Variants in EDARADD observed in about 807,000 individuals in gnomAD.
The protein encoded by EDARADD is ectodysplasin-A receptor-associated adapter protein.
A neutral mutation model predicts 25.6 loss-of-function variants in EDARADD; 20 were observed. That is an observed-to-expected ratio of 0.78 (90% confidence interval 0.55 to 1.14). EDARADD has a LOEUF of 1.14. Among genes scored for constraint, EDARADD ranks in the 50% most tolerant of loss-of-function variants. The pLI is 0.00. For synonymous variants in EDARADD, 86 were observed against 94.4 expected, an observed-to-expected ratio of 0.91 and a Z score of 0.52; for missense variants, 225 against 270.1, an observed-to-expected ratio of 0.83 and a Z score of 1.17.
rs562522582 is a variant in EDARADD at position 236,483,079 on chromosome 1, A to G, written c.*430A>G. On this transcript the variant is annotated 3_prime_UTR_variant, in exon 6 of 6. Transcript: ENST00000334232. ...TGCCATTCCCACGGTTTCAAAGAAAACAGCTACAAGGAATGCTTACCTGAG... is the reference window on the plus strand; with the variant it reads ...TGCCATTCCCACGGTTTCAAAGAAAGCAGCTACAAGGAATGCTTACCTGAG... The G allele has an allele frequency of 2.2e-6, 2 of 894,242 alleles. No homozygotes were observed. Among genetic ancestry groups the G allele is most frequent in the East Asian group, 2.5e-5 (1 of 39,864 alleles). 55.4% of individuals were successfully genotyped at this position (894,242 alleles called of 1,614,324 possible).
chr1:236,476,535 T>TG (rs547755483), intron 5 of EDARADD, among the ~76,000 whole-genome samples: 53 of 151,850 alleles, frequency 3.5e-4, no homozygotes, highest in Middle Eastern at 3.4e-3. Context: ...GATTTTTTTT[T>TG]TTTGTTTGAG....
chr1:236,436,121 A>T (rs998979027), intron 4 of EDARADD, among the ~76,000 whole-genome samples: 2 of 151,722 alleles, frequency 1.3e-5, no homozygotes, highest in African/African-American at 4.8e-5. Context: ...CTGGGCAATA[A>T]AGTGAGACCC....
intron 3 of EDARADD, among the ~76,000 whole-genome samples, chr1:236,425,099 C>T (rs529075909): frequency 6.6e-6 from 1 of 152,270 alleles, no homozygotes; most frequent in East Asian, 1.9e-4. Context: ...GGATGGGGTC[C>T]TCATCCAGCC....
intron 4 of EDARADD, among the ~76,000 whole-genome samples, chr1:236,457,384 G>T (rs547764101): frequency 1.4e-3 from 212 of 152,186 alleles, no homozygotes; most frequent in Non-Finnish European, 2.3e-3. Context: ...GCATTGTGGT[G>T]CATGCCTGTA....
At chr1:236,410,022 A>C (rs1558114457) in intron 2 of EDARADD, among the ~76,000 whole-genome samples, 1 of 151,950 alleles carries the variant, frequency 6.6e-6, no homozygotes. Flanking sequence ...TTCTGAGGCT[A>C]TTGCTTTAAG....
chr1:236,449,957 C>T (rs370362221), intron 4 of EDARADD, among the ~76,000 whole-genome samples: 3 of 152,032 alleles, frequency 2.0e-5, no homozygotes, highest in African/African-American at 7.2e-5. Flanking sequence ...AAAAATTAGC[C>T]GGGTGTAGTG....
chr1:236,477,770 C>T (rs1239538304), intron 5 of EDARADD, among the ~76,000 whole-genome samples: 5 of 151,986 alleles, frequency 3.3e-5, no homozygotes, highest in Non-Finnish European at 7.4e-5. Flanking sequence ...TAAAAAAAAT[C>T]CTTGAAAAGA....
intron 3 of EDARADD, among the ~76,000 whole-genome samples, chr1:236,369,403 T>C (rs1014668998): frequency 1.1e-4 from 16 of 152,366 alleles, no homozygotes; most frequent in African/African-American, 3.8e-4. Context: ...GTTTTCCTTA[T>C]ACAGATTGCA....
rs570062425 is a variant in EDARADD at position 236,483,512 on chromosome 1, C to T, written c.*863C>T. On this transcript the variant is annotated 3_prime_UTR_variant, in exon 6 of 6. Transcript: ENST00000334232. ...CAAATGCCATTCTGGGAGTGTCCCT[C>T]GCTGCCTGCAAAGCTAGTGCTGTTG... 175 of 1,024,734 alleles carry T rather than the reference C, an allele frequency of 1.7e-4. 2 individuals are homozygous for T. The highest frequency in any genetic ancestry group is 1.2e-3 in the South Asian group (93 of 78,898). The allele number at this position is 1,024,734 out of a possible 1,614,324, so 63.5% of individuals were successfully genotyped here.
At chr1:236,375,546 C>T (rs1031912981) in intron 3 of EDARADD, among the ~76,000 whole-genome samples, 4 of 149,832 alleles carry the variant, frequency 2.7e-5, no homozygotes, top group Admixed American at 1.3e-4. Context: ...ATACCAGCTA[C>T]TTGGGAGGCT....
At chr1:236,355,401 CCTCTCTAATCT>C (rs1666961668) in intron 3 of EDARADD, among the ~76,000 whole-genome samples, 1 of 151,816 alleles carries the variant, frequency 6.6e-6, no homozygotes, top group Non-Finnish European at 1.5e-5. Context: ...GACTGTTAGC[CCTCTCTAATCT>C]CTCTTTGATG....
At chr1:236,475,374 T>C (rs1430720747) in intron 5 of EDARADD, among the ~76,000 whole-genome samples, 1 of 152,210 alleles carries the variant, frequency 6.6e-6, no homozygotes, top group Non-Finnish European at 1.5e-5. Flanking sequence ...AGAGAGCTAA[T>C]TAGAGTTTGT....
chr1:236,352,826 C>T (rs113066795), intron 3 of EDARADD, among the ~76,000 whole-genome samples: 382 of 151,580 alleles, frequency 2.5e-3, no homozygotes, highest in African/African-American at 8.8e-3. Context: ...CCAGCCTGGG[C>T]GACAGAGTAA....
intron 5 of EDARADD, among the ~76,000 whole-genome samples, chr1:236,473,873 G>A (rs968407528): frequency 3.3e-5 from 5 of 151,966 alleles, no homozygotes; most frequent in African/African-American, 9.7e-5. Flanking sequence ...TGAGCTAATC[G>A]AGCCTCCCCT....
At chr1:236,445,667 G>A (rs1009418638) in intron 4 of EDARADD, among the ~76,000 whole-genome samples, 1 of 152,164 alleles carries the variant, frequency 6.6e-6, no homozygotes, top group Non-Finnish European at 1.5e-5. Context: ...TTAAATTGGT[G>A]ACTAATAAAC....
intron 2 of EDARADD, among the ~76,000 whole-genome samples, chr1:236,411,897 A>G (rs1657497250): frequency 6.6e-6 from 1 of 152,052 alleles, no homozygotes; most frequent in African/African-American, 2.4e-5. Context: ...TCAAGGGCCT[A>G]CCCTCCTCAT....
chr1:236,354,599 A>T (rs1666954046), intron 3 of EDARADD, among the ~76,000 whole-genome samples: 1 of 152,200 alleles, frequency 6.6e-6, no homozygotes, highest in South Asian at 2.1e-4. Context: ...CTCTTGCTAA[A>T]CTCCCTAACA....
At chr1:236,376,969 A>C (rs987994142) in intron 3 of EDARADD, among the ~76,000 whole-genome samples, 1 of 152,008 alleles carries the variant, frequency 6.6e-6, no homozygotes, top group Non-Finnish European at 1.5e-5. Context: ...TAATGAGTCC[A>C]TGAAAGACAT....
At chr1:236,455,351 C>T (rs747587736) in intron 4 of EDARADD, among the ~76,000 whole-genome samples, 21 of 152,208 alleles carry the variant, frequency 1.4e-4, no homozygotes, top group Admixed American at 3.3e-4. Flanking sequence ...GGAATGGACC[C>T]GACCAGCATT....
Sources: gnomAD v4.1 joint callset for allele counts (sites outside exome capture counted in the v4.1 genomes callset) on GRCh38, gnomAD v4.1.1 for gene constraint, MANE v1.5 for transcripts, NCBI Gene and HGNC (gene_info 2026-07-23, HGNC 2026-07-21) for gene names.